The following PRR16 variants were observed in gnomAD, a reference collection of about 807,000 sequenced individuals.
The protein encoded by PRR16 is protein Largen.
In PRR16, 6 loss-of-function variants were observed where a neutral mutation model predicts 18.2. The ratio of observed to expected loss-of-function variants is 0.33; its 90% CI spans 0.18 to 0.65. PRR16 has a LOEUF of 0.65. PRR16 is among the 30% of genes least tolerant of loss of function. PRR16 has a pLI of 0.74. For missense variants in PRR16, 412 were observed against 376.6 expected (o/e 1.09, Z -0.78); for synonymous variants, 151 against 147.8 (o/e 1.02, Z -0.16).
intron 1 of PRR16, among the ~76,000 whole-genome samples, chr5:120,605,434 C>A (rs1210671976): frequency 1.3e-5 from 2 of 152,104 alleles, no homozygotes; most frequent in Non-Finnish European, 2.9e-5. Flanking sequence ...AATTGTTTTA[C>A]TGATTTCCTT....
chr5:120,525,105 G>C (rs1191412553), intron 1 of PRR16, among the ~76,000 whole-genome samples: 1 of 151,968 alleles, frequency 6.6e-6, no homozygotes, highest in Non-Finnish European at 1.5e-5. Context: ...TCTTTCTTAT[G>C]AGAGTTTCCT....
the PRR16 span, among the ~76,000 whole-genome samples, chr5:120,714,335 G>A: frequency 6.6e-6 from 1 of 152,126 alleles, no homozygotes; most frequent in African/African-American, 2.4e-5. Context: ...CATTGACTTG[G>A]AGTGGGAGGT....
At chr5:120,718,697 T>A in the PRR16 span, among the ~76,000 whole-genome samples, 1 of 152,112 alleles carries the variant, frequency 6.6e-6, no homozygotes, top group Non-Finnish European at 1.5e-5. Context: ...CACTCATCCA[T>A]GGATTACATA....
chr5:120,482,458 T>A (rs1167079735), intron 1 of PRR16, among the ~76,000 whole-genome samples: 2 of 152,194 alleles, frequency 1.3e-5, no homozygotes, highest in Non-Finnish European at 2.9e-5. Context: ...AAGAACATGA[T>A]TTCATTCTTT....
the PRR16 span, among the ~76,000 whole-genome samples, chr5:120,782,669 T>C: frequency 6.6e-6 from 1 of 152,120 alleles, no homozygotes; most frequent in African/African-American, 2.4e-5. Flanking sequence ...GGAACAGGCA[T>C]TAAGTGGTAC....
At chr5:120,791,456 A>T in the PRR16 span, among the ~76,000 whole-genome samples, 1 of 152,034 alleles carries the variant, frequency 6.6e-6, no homozygotes, top group Non-Finnish European at 1.5e-5. Context: ...GTATTGTATC[A>T]GTAAGGATTT....
intron 1 of PRR16, among the ~76,000 whole-genome samples, chr5:120,655,159 C>G (rs1755923851): frequency 6.6e-6 from 1 of 151,730 alleles, no homozygotes; most frequent in Non-Finnish European, 1.5e-5. Context: ...CATCCCTCTG[C>G]TCACTTATTT....
intron 1 of PRR16, among the ~76,000 whole-genome samples, chr5:120,509,699 A>T (rs1413490475): frequency 2.0e-5 from 3 of 152,064 alleles, no homozygotes; most frequent in African/African-American, 7.2e-5. Context: ...TCAGAGTTTT[A>T]CCCTATAGTA....
the PRR16 span, among the ~76,000 whole-genome samples, chr5:120,708,915 A>C: frequency 1.5e-4 from 22 of 151,398 alleles, no homozygotes; most frequent in Admixed American, 1.3e-3. Context: ...TCTTTGCGGG[A>C]AATAATTTTA....
intron 1 of PRR16, chr5:120,617,154 C>T: frequency 1.0e-6 from 1 of 985,390 alleles, no homozygotes; most frequent in Non-Finnish European, 1.2e-6. Flanking sequence ...GTGCTGCAGG[C>T]ATACAGTGAC....
rs533725286 is a variant in PRR16 at position 120,617,035 on chromosome 5, T to C, written c.160-68919T>C. The C allele has an allele frequency of 3.9e-5, 33 of 838,862 alleles. No homozygotes were observed. In the African/African-American group the frequency reaches 5.5e-4, roughly 14 times the overall value. 52.0% of individuals were successfully genotyped at this position (838,862 alleles called of 1,614,324 possible). A position where few individuals can be genotyped will look rare whatever the true frequency, so the allele number is the denominator to read the frequency against. On this transcript the variant is annotated intron_variant, in intron 1 of 1. Transcript: ENST00000407149. ...CTCCTGCACCATGTCCAGTCCAGTGTTTTTTGGAAAGTCTAAAGTAAATGA... is the reference window on the plus strand; with the variant it reads ...CTCCTGCACCATGTCCAGTCCAGTGCTTTTTGGAAAGTCTAAAGTAAATGA...
At chr5:120,519,618 A>T (rs933282456) in intron 1 of PRR16, among the ~76,000 whole-genome samples, 3 of 152,202 alleles carry the variant, frequency 2.0e-5, no homozygotes, top group Non-Finnish European at 4.4e-5. Context: ...TCCTGAAATT[A>T]ACTTTAGCAA....
chr5:120,504,076 A>G (rs1580658788), intron 1 of PRR16, among the ~76,000 whole-genome samples: 2 of 151,402 alleles, frequency 1.3e-5, no homozygotes, highest in Non-Finnish European at 2.9e-5. Context: ...CACAATGTGC[A>G]GGTTAGTTAC....
chr5:120,773,272 A>T, the PRR16 span, among the ~76,000 whole-genome samples: 2 of 152,308 alleles, frequency 1.3e-5, no homozygotes, highest in East Asian at 3.9e-4. Context: ...TATTTCTTAC[A>T]AAGAAGCCTT....
chr5:120,571,535 G>T (rs975111246), intron 1 of PRR16, among the ~76,000 whole-genome samples: 2 of 152,120 alleles, frequency 1.3e-5, no homozygotes, highest in Non-Finnish European at 2.9e-5. Flanking sequence ...TCCACTGGAG[G>T]TTTTTGATCA....
At chr5:120,744,845 T>TG in the PRR16 span, among the ~76,000 whole-genome samples, 1 of 152,136 alleles carries the variant, frequency 6.6e-6, no homozygotes, top group African/African-American at 2.4e-5. Context: ...GGATTGTCAA[T>TG]GGGGGGTAAA....
intron 1 of PRR16, among the ~76,000 whole-genome samples, chr5:120,647,938 T>A (rs369290845): frequency 5.9e-4 from 90 of 152,180 alleles, no homozygotes; most frequent in African/African-American, 2.1e-3. Context: ...AAATGCATAT[T>A]TAGCTGTGCA....
At chr5:120,715,881 T>C in the PRR16 span, among the ~76,000 whole-genome samples, 2 of 152,162 alleles carry the variant, frequency 1.3e-5, no homozygotes, top group Non-Finnish European at 2.9e-5. Flanking sequence ...CTTCTCTCTA[T>C]AGAGTAGCCG....
intron 1 of PRR16, among the ~76,000 whole-genome samples, chr5:120,474,538 A>G (rs1182380291): frequency 6.6e-6 from 1 of 152,028 alleles, no homozygotes; most frequent in Non-Finnish European, 1.5e-5. Flanking sequence ...CTTTATGCTT[A>G]GCCATCAAAC....
Sources: gnomAD v4.1 joint callset for allele counts (sites outside exome capture counted in the v4.1 genomes callset) on GRCh38, gnomAD v4.1.1 for gene constraint, MANE v1.5 for transcripts, NCBI Gene and HGNC (gene_info 2026-07-23, HGNC 2026-07-21) for gene names.